RGS5: variants seen among roughly 807,000 people sequenced by gnomAD.
The protein encoded by RGS5 is regulator of G protein signaling 5.
A neutral mutation model predicts 18.9 loss-of-function variants in RGS5; 20 were observed. That is an observed-to-expected ratio of 1.06 (90% confidence interval 0.74 to 1.54). RGS5 has a LOEUF of 1.54. Among genes scored for constraint, RGS5 ranks in the 40% most tolerant of loss-of-function variants. RGS5 has a pLI of 0.00. For synonymous variants in RGS5, 57 were observed against 76.2 expected, an observed-to-expected ratio of 0.75 and a Z score of 1.31; for missense variants, 201 against 211.8, an observed-to-expected ratio of 0.95 and a Z score of 0.32.
chr1:163,312,395 T>C (rs1468107208), intron 1 of RGS5, among the ~76,000 whole-genome samples: 2 of 152,170 alleles, frequency 1.3e-5, no homozygotes, highest in African/African-American at 4.8e-5. Context: ...ATAGTAGTTA[T>C]ATGTAATGGG....
chr1:163,299,684 T>C (rs1158239181), intron 2 of RGS5, among the ~76,000 whole-genome samples: 1 of 152,238 alleles, frequency 6.6e-6, no homozygotes, highest in African/African-American at 2.4e-5. Context: ...TATTTTCTCA[T>C]GGAGGGAAAC....
chr1:163,301,036 T>C (rs1287889687), intron 2 of RGS5, among the ~76,000 whole-genome samples: 2 of 152,132 alleles, frequency 1.3e-5, no homozygotes, highest in Non-Finnish European at 2.9e-5. Flanking sequence ...TACTCAGCAA[T>C]GAGGTTGAGG....
chr1:163,147,382 C>T lies in RGS5; in HGVS notation c.506G>A (p.Arg169His), dbSNP rs758639664. 23 of 1,610,898 alleles carry T rather than the reference C, an allele frequency of 1.4e-5. No homozygotes were observed. Among genetic ancestry groups the T allele is most frequent in the Admixed American group, 8.4e-5 (5 of 59,542 alleles). Residue 169 changes from arginine (R) to histidine (H), a missense_variant, in exon 5 of 5, where the codon CGC becomes CAC. Transcript: ENST00000313961. ...HALMEKDSLPRFVRSEFYQEL... is the reference protein window; with the variant it reads ...HALMEKDSLPHFVRSEFYQEL... ...CTGATAAAACTCAGAGCGCACAAAGCGAGGCAGAGAATCCTTTTCCATCAG... is the reference window on the plus strand; with the variant it reads ...CTGATAAAACTCAGAGCGCACAAAGTGAGGCAGAGAATCCTTTTCCATCAG...
At chr1:163,172,501 T>C (rs2102406055) in intron 1 of RGS5, 1 of 1,533,842 alleles carries the variant, frequency 6.5e-7, no homozygotes, top group Non-Finnish European at 8.8e-7. Flanking sequence ...TCAACTATCA[T>C]TTATAACATT....
intron 2 of RGS5, among the ~76,000 whole-genome samples, chr1:163,298,981 A>G (rs1649490738): frequency 6.6e-6 from 1 of 151,848 alleles, no homozygotes; most frequent in African/African-American, 2.4e-5. Context: ...CTGTGATAGA[A>G]GCACATACAT....
chr1:163,158,825 C>T (rs553068405), intron 3 of RGS5, among the ~76,000 whole-genome samples: 18 of 152,160 alleles, frequency 1.2e-4, no homozygotes, highest in East Asian at 1.9e-4. Flanking sequence ...ACAACTGGTC[C>T]GACCAAAATT....
At chr1:163,253,301 C>T (rs750571200) in intron 2 of RGS5, among the ~76,000 whole-genome samples, 19 of 151,970 alleles carry the variant, frequency 1.3e-4, no homozygotes, top group Non-Finnish European at 2.4e-4. Flanking sequence ...CAGAAATAAA[C>T]TAAGACAGAT....
intron 1 of RGS5, chr1:163,172,424 C>G: frequency 1.1e-6 from 1 of 903,102 alleles, no homozygotes; most frequent in Non-Finnish European, 1.6e-6. Context: ...CAGGATGAAT[C>G]AGTACCCTAC....
At chr1:163,254,969 G>A (rs566408145) in intron 2 of RGS5, among the ~76,000 whole-genome samples, 2,332 of 151,882 alleles carry the variant, frequency 0.015, 18 homozygotes, top group Non-Finnish European at 0.024. Flanking sequence ...GATATGCGGC[G>A]TTATTTCTGT....
rs961576363 is a variant in RGS5 at position 163,143,958 on chromosome 1, C to T, written c.*3384G>A. 1 of 151,840 alleles carries T rather than the reference C, an allele frequency of 6.6e-6. No homozygotes were observed. Among genetic ancestry groups the T allele is most frequent in the Non-Finnish European group, 1.5e-5 (1 of 67,954 alleles). The allele number at this position is 151,840 out of a possible 1,614,324, so 9.4% of individuals were successfully genotyped here. On this transcript the variant is annotated 3_prime_UTR_variant, in exon 5 of 5. Transcript: ENST00000313961. ...TGAAATGGCTTGTGTACAGAGCACACATCAACCAAATAAAATCCATGGCTT... is the reference window on the plus strand; with the variant it reads ...TGAAATGGCTTGTGTACAGAGCACATATCAACCAAATAAAATCCATGGCTT...
At chr1:163,150,703 G>A (rs1013165653) in intron 4 of RGS5, among the ~76,000 whole-genome samples, 4 of 151,998 alleles carry the variant, frequency 2.6e-5, no homozygotes, top group African/African-American at 9.7e-5. Flanking sequence ...TTTCATTTTC[G>A]TGGCTTTGAC....
At chr1:163,264,779 C>T (rs1399772315) in intron 2 of RGS5, among the ~76,000 whole-genome samples, 2 of 152,060 alleles carry the variant, frequency 1.3e-5, no homozygotes, top group Non-Finnish European at 2.9e-5. Context: ...TGCTCTTTAA[C>T]CTCATTGAGA....
At chr1:163,172,147 C>T (rs1412813650) in intron 1 of RGS5, among the ~76,000 whole-genome samples, 1 of 152,158 alleles carries the variant, frequency 6.6e-6, no homozygotes, top group African/African-American at 2.4e-5. Context: ...AGTTACTCTG[C>T]TTCCCTTCCA....
intron 1 of RGS5, among the ~76,000 whole-genome samples, chr1:163,182,186 GA>G (rs1557893981): frequency 6.6e-6 from 1 of 152,140 alleles, no homozygotes; most frequent in African/African-American, 2.4e-5. Flanking sequence ...ATAGGCTCAA[GA>G]AAGATCTATT....
intron 2 of RGS5, among the ~76,000 whole-genome samples, chr1:163,294,576 T>G (rs1161111048): frequency 6.6e-6 from 1 of 152,254 alleles, no homozygotes; most frequent in Non-Finnish European, 1.5e-5. Flanking sequence ...TGAAGATCTC[T>G]GACATGCCCC....
chr1:163,294,595 T>C (rs1649378359), intron 2 of RGS5, among the ~76,000 whole-genome samples: 1 of 152,224 alleles, frequency 6.6e-6, no homozygotes, highest in African/African-American at 2.4e-5. Context: ...CCGGAGACAT[T>C]TTCCCATTTG....
At chr1:163,170,671 T>C (rs1031848115) in intron 1 of RGS5, among the ~76,000 whole-genome samples, 3 of 152,214 alleles carry the variant, frequency 2.0e-5, no homozygotes, top group African/African-American at 7.2e-5. Flanking sequence ...TTTTGAAAAC[T>C]ATGTTTTAGG....
At chr1:163,174,501 A>G (rs1008758800) in intron 1 of RGS5, among the ~76,000 whole-genome samples, 1 of 152,232 alleles carries the variant, frequency 6.6e-6, no homozygotes, top group African/African-American at 2.4e-5. Flanking sequence ...GCTTAGAATG[A>G]GTCACGGAGG....
chr1:163,271,103 T>C (rs1199553214), intron 2 of RGS5, among the ~76,000 whole-genome samples: 3 of 152,196 alleles, frequency 2.0e-5, no homozygotes, highest in Non-Finnish European at 4.4e-5. Context: ...CCATTTGCAG[T>C]GCACCATACC....
Sources: allele counts gnomAD v4.1 joint callset (sites outside exome capture counted in the v4.1 genomes callset), GRCh38; gene constraint gnomAD v4.1.1; transcripts MANE v1.5; gene names NCBI Gene and HGNC (gene_info 2026-07-23, HGNC 2026-07-21).